Variants in GPM6A observed in about 807,000 individuals in gnomAD.
GPM6A encodes neuronal membrane glycoprotein M6-a.
GPM6A carries 7 observed loss-of-function variants against 32.1 expected under a neutral mutation model. The ratio of observed to expected loss-of-function variants is 0.22; its 90% confidence interval spans 0.12 to 0.41. GPM6A has a LOEUF of 0.41. GPM6A is among the 10% of genes least tolerant of loss of function. GPM6A has a pLI of 1.00. For synonymous variants in GPM6A, 130 were observed against 123.4 expected (o/e 1.05, Z -0.35); for missense variants, 235 against 347.2 (o/e 0.68, Z 2.57).
At chr4:175,827,455 T>C (rs1735474353) in intron 1 of GPM6A, among the ~76,000 whole-genome samples, 1 of 152,198 alleles carries the variant, frequency 6.6e-6, no homozygotes, top group South Asian at 2.1e-4. Flanking sequence ...AACAAGTGAC[T>C]TGTTCCAGGT....
chr4:175,704,816 T>A (rs1000565071), intron 1 of GPM6A, among the ~76,000 whole-genome samples: 1 of 152,162 alleles, frequency 6.6e-6, no homozygotes, highest in African/African-American at 2.4e-5. Context: ...TAAGTTCATA[T>A]ATGAAGAGTT....
intron 1 of GPM6A, among the ~76,000 whole-genome samples, chr4:175,727,921 T>C (rs1277242869): frequency 1.3e-5 from 2 of 148,390 alleles, no homozygotes; most frequent in Non-Finnish European, 3.0e-5. Context: ...GGAGAATTGC[T>C]GGAACCTGGG....
intron 2 of GPM6A, among the ~76,000 whole-genome samples, chr4:175,699,669 G>A (rs1744767935): frequency 6.6e-6 from 1 of 152,132 alleles, no homozygotes; most frequent in Admixed American, 6.5e-5. Flanking sequence ...GGAGGGGACT[G>A]GGTTTTCTCA....
At chr4:175,995,196 A>G (rs746239541) in intron 1 of GPM6A, among the ~76,000 whole-genome samples, 26 of 152,094 alleles carry the variant, frequency 1.7e-4, no homozygotes, top group Admixed American at 1.0e-3. Flanking sequence ...ATCTCCTCCT[A>G]TGAATCGTGA....
intron 2 of GPM6A, among the ~76,000 whole-genome samples, chr4:175,697,927 TTATGGTCAG>T (rs1744668662): frequency 6.6e-6 from 1 of 152,202 alleles, no homozygotes; most frequent in South Asian, 2.1e-4. Context: ...GCAAGCTCAT[TTATGGTCAG>T]TATGGTTTGC....
chr4:175,738,176 G>A (rs921727129), intron 1 of GPM6A, among the ~76,000 whole-genome samples: 13 of 152,150 alleles, frequency 8.5e-5, no homozygotes, highest in Non-Finnish European at 1.6e-4. Context: ...GCCCTCAGGT[G>A]ATTTGCCTGC....
At chr4:175,642,423 C>T (rs1400709716) in intron 4 of GPM6A, among the ~76,000 whole-genome samples, 2 of 152,144 alleles carry the variant, frequency 1.3e-5, no homozygotes, top group Non-Finnish European at 2.9e-5. Flanking sequence ...TAATTCCTTT[C>T]CTTTCATTTC....
At chr4:175,931,236 AC>A (rs1413063681) in intron 1 of GPM6A, among the ~76,000 whole-genome samples, 1 of 152,146 alleles carries the variant, frequency 6.6e-6, no homozygotes, top group African/African-American at 2.4e-5. Context: ...AGAAACTAAG[AC>A]CTAGAAAAAT....
chr4:175,905,257 G>A (rs531033667), intron 1 of GPM6A, among the ~76,000 whole-genome samples: 2 of 152,096 alleles, frequency 1.3e-5, no homozygotes, highest in East Asian at 1.9e-4. Flanking sequence ...GCTGTCTCTG[G>A]GCTGAGCCTA....
In GPM6A at chr4:175,714,937, G is replaced by A. The variant is rs557969921; in HGVS notation, c.38-13170C>T. On this transcript the variant is annotated intron_variant, in intron 1 of 6. Coordinates refer to ENST00000393658, the MANE Select transcript of GPM6A (RefSeq NM_201591.3). ...CTGACTGTGATACATAAGCCCCTAGGGTAAGGGAACAGTCAGGTGGAGACA... is the reference window on the plus strand; with the variant it reads ...CTGACTGTGATACATAAGCCCCTAGAGTAAGGGAACAGTCAGGTGGAGACA... 5.3e-5 allele frequency among the ~76,000 whole-genome samples: 8 copies of A among 150,512 alleles called. No homozygotes were observed. The South Asian group carries it at 1.1e-3, about 20-fold the overall frequency.
Position 175,676,433 on chromosome 4 carries a change from C to T in GPM6A, c.231-2597G>A, listed in dbSNP as rs1016555842. On this transcript the variant is annotated intron_variant, in intron 2 of 6. Coordinates refer to ENST00000393658, the MANE Select transcript of GPM6A (RefSeq NM_201591.3). The stretch of plus-strand genomic sequence containing the variant: ...TCAACTACTGTATCTTCCACTAGAA[C>T]GATATCTGACAATGCTGGATAAAAA... Among the ~76,000 whole-genome samples the T allele has an allele frequency of 7.9e-5, 12 of 152,118 alleles. 1 individual carries two copies. Among genetic ancestry groups the T allele is most frequent in the African/African-American group, 2.2e-4 (9 of 41,426 alleles).
chr4:175,904,420 A>T (rs1323060513), intron 1 of GPM6A, among the ~76,000 whole-genome samples: 1 of 152,202 alleles, frequency 6.6e-6, no homozygotes, highest in Non-Finnish European at 1.5e-5. Context: ...ACATGTGTCT[A>T]CATACATATG....
intron 6 of GPM6A, among the ~76,000 whole-genome samples, chr4:175,639,344 G>A (rs1741000968): frequency 6.6e-6 from 1 of 152,062 alleles, no homozygotes; most frequent in African/African-American, 2.4e-5. Flanking sequence ...GGCACCATGA[G>A]GAAAATAATT....
chr4:175,925,102 C>T (rs963934676), intron 1 of GPM6A, among the ~76,000 whole-genome samples: 1 of 152,110 alleles, frequency 6.6e-6, no homozygotes, highest in Non-Finnish European at 1.5e-5. Flanking sequence ...AATTACTATA[C>T]CTGATCACAT....
intron 1 of GPM6A, among the ~76,000 whole-genome samples, chr4:175,730,386 G>C (rs543372762): frequency 6.6e-6 from 1 of 151,904 alleles, no homozygotes; most frequent in Admixed American, 6.6e-5. Context: ...GGGACTACAG[G>C]CATGTGTCAC....
intron 1 of GPM6A, among the ~76,000 whole-genome samples, chr4:175,770,291 G>A (rs941413451): frequency 6.6e-6 from 1 of 152,198 alleles, no homozygotes; most frequent in South Asian, 2.1e-4. Context: ...CTCCCAAAGT[G>A]CTGGGGTTAC....
At chr4:175,824,161 T>C (rs946313671) in intron 1 of GPM6A, among the ~76,000 whole-genome samples, 2 of 152,192 alleles carry the variant, frequency 1.3e-5, no homozygotes, top group Non-Finnish European at 2.9e-5. Flanking sequence ...TGACATATGG[T>C]CTCTTTGGAT....
At chr4:175,734,413 C>G (rs1358525300) in intron 1 of GPM6A, among the ~76,000 whole-genome samples, 1 of 152,046 alleles carries the variant, frequency 6.6e-6, no homozygotes, top group Non-Finnish European at 1.5e-5. Flanking sequence ...AAGAGTTCTG[C>G]GTGATTGGCC....
At chr4:175,676,328 C>G (rs1444361127) in intron 2 of GPM6A, among the ~76,000 whole-genome samples, 1 of 152,136 alleles carries the variant, frequency 6.6e-6, no homozygotes, top group Non-Finnish European at 1.5e-5. Flanking sequence ...GTGTGAGCCA[C>G]TACACCCAGC....
Sources: gnomAD v4.1 joint callset for allele counts (sites outside exome capture counted in the v4.1 genomes callset) on GRCh38, gnomAD v4.1.1 for gene constraint, MANE v1.5 for transcripts, NCBI Gene and HGNC (gene_info 2026-07-23, HGNC 2026-07-21) for gene names.